PLEKHG1: variants seen among roughly 807,000 people sequenced by gnomAD.
PLEKHG1 encodes the protein pleckstrin homology domain-containing family G member 1.
Under a neutral mutation model 100.8 loss-of-function variants are expected in PLEKHG1, and 44 were observed. The ratio of observed to expected loss-of-function variants is 0.44; its 90% CI spans 0.34 to 0.56. PLEKHG1 has a LOEUF of 0.56. PLEKHG1 is among the 20% of genes least tolerant of loss of function. The pLI is 0.01. For synonymous variants in PLEKHG1, 640 were observed against 662.5 expected (o/e 0.97, Z 0.52); for missense variants, 1,545 against 1,720.9 (o/e 0.90, Z 1.81).
At position 150,839,782 on chromosome 6, in the gene PLEKHG1, C is replaced by T. The variant is rs550796390; in HGVS notation, c.3095-51C>T. The T allele has an allele frequency of 1.8e-5, 20 of 1,102,364 alleles. No individual in the cohort carries two copies. Among genetic ancestry groups the T allele is most frequent in the South Asian group, 8.6e-5 (6 of 70,046 alleles). 68.3% of individuals were successfully genotyped at this position (1,102,364 alleles called of 1,614,324 possible). A position where few individuals can be genotyped will look rare whatever the true frequency, so the allele number is the denominator to read the frequency against. ...GTTATTCTCTTATTTTTAATCTTCACGTATAGGAATTATCCTGTGTGTATT... is the reference window on the plus strand; with the variant it reads ...GTTATTCTCTTATTTTTAATCTTCATGTATAGGAATTATCCTGTGTGTATT... On this transcript the variant is annotated intron_variant, in intron 15 of 15. Coordinates refer to ENST00000358517, the Ensembl canonical transcript of PLEKHG1.
Position 150,832,708 on chromosome 6 carries a change from A to C in PLEKHG1, c.3094+503A>C, listed in dbSNP as rs1462919316. Among the ~76,000 whole-genome samples the C allele has an allele frequency of 2.4e-5, 3 of 123,730 alleles. No homozygotes were observed. The Admixed American group carries it at 2.8e-4, about 12-fold the overall frequency. 81.2% of individuals were successfully genotyped at this position (123,730 alleles called of 152,430 possible). A position where few individuals can be genotyped will look rare whatever the true frequency, so the allele number is the denominator to read the frequency against. On this transcript the variant is annotated intron_variant, in intron 15 of 15. Transcript: ENST00000358517. ...TTTTTTTTTTTTTTTTTGAGACAGGATCTCACTGTCACCCAGGCTGGAGTA... is the reference window on the plus strand; with the variant it reads ...TTTTTTTTTTTTTTTTTGAGACAGGCTCTCACTGTCACCCAGGCTGGAGTA...
intron 3 of PLEKHG1, among the ~76,000 whole-genome samples, chr6:150,710,689 GA>G (rs202154540): frequency 4.0e-5 from 6 of 150,312 alleles, no homozygotes; most frequent in South Asian, 4.2e-4. Context: ...AGATTGCCCA[GA>G]AAAAAAAAAT....
chr6:150,800,542 T>C (rs1302606680), intron 5 of PLEKHG1, among the ~76,000 whole-genome samples, 177 bp from the exon 7 acceptor site: 1 of 152,214 alleles, frequency 6.6e-6, no homozygotes, highest in Non-Finnish European at 1.5e-5. Context: ...TGCCTTTTTC[T>C]AATTCACCCT....
intron 7 of PLEKHG1, among the ~76,000 whole-genome samples, chr6:150,808,469 G>A (rs924570166): frequency 1.3e-5 from 2 of 152,072 alleles, no homozygotes; most frequent in African/African-American, 4.8e-5. Flanking sequence ...AAGGGAAGGG[G>A]CCGGGTGCGG....
chr6:150,819,538 C>T (rs1402238593), intron 11 of PLEKHG1, 141 bp from the exon 13 acceptor site: 6 of 422,644 alleles, frequency 1.4e-5, no homozygotes, highest in South Asian at 5.1e-5. Flanking sequence ...CGCACTTCAG[C>T]GTGGGTGACA....
chr6:150,706,991 TCTTTTTC>T (rs1781041789), intron 3 of PLEKHG1, among the ~76,000 whole-genome samples: 1 of 130,846 alleles, frequency 7.6e-6, no homozygotes. Context: ...CTTTTCTTTT[TCTTTTTC>T]TTTTTTTTTT....
chr6:150,760,840 G>A (rs1048892300), intron 2 of PLEKHG1, among the ~76,000 whole-genome samples: 4 of 151,994 alleles, frequency 2.6e-5, no homozygotes, highest in East Asian at 1.9e-4. Flanking sequence ...CTGCAATTTC[G>A]AAAATAAATA....
At chr6:150,746,639 A>C (rs1379699805) in intron 2 of PLEKHG1, among the ~76,000 whole-genome samples, 2 of 152,238 alleles carry the variant, frequency 1.3e-5, no homozygotes, top group African/African-American at 2.4e-5. Flanking sequence ...AGTTGTAGGA[A>C]GTTTTTTACT....
rs564921835 is a variant in PLEKHG1, at chr6:150,613,290, G to A, written c.-204+13273G>A. Among the ~76,000 whole-genome samples the A allele has an allele frequency of 1.5e-4, 23 of 152,234 alleles. No individual in the cohort carries two copies. The South Asian group carries it at 4.1e-3, about 27-fold the overall frequency. On this transcript the variant is annotated intron_variant, in intron 1 of 3. Transcript: ENST00000367326. ...TGACCATACTTTATAACATGCAAAC[G>A]CCTGCACCTTGCAAGTCAGATCCTT...
At chr6:150,726,906 A>G (rs1317290867) in intron 1 of PLEKHG1, among the ~76,000 whole-genome samples, 3 of 152,196 alleles carry the variant, frequency 2.0e-5, no homozygotes, top group Non-Finnish European at 4.4e-5. Flanking sequence ...ATAAATGTAT[A>G]TTTTTTAACT....
At chr6:150,796,053 CA>C in intron 5 of PLEKHG1, 151 bp downstream of exon 6, 1 of 528,326 alleles carries the variant, frequency 1.9e-6, no homozygotes, top group Non-Finnish European at 3.4e-6. Flanking sequence ...GAACAGATTA[CA>C]GGGGCACCCA....
intron 3 of PLEKHG1, among the ~76,000 whole-genome samples, chr6:150,686,003 T>G (rs1780117282): frequency 6.6e-6 from 1 of 152,190 alleles, no homozygotes; most frequent in South Asian, 2.1e-4. Flanking sequence ...CATACAGAGA[T>G]GGCCAAGGGA....
chr6:150,614,168 C>T (rs190162145), intron 1 of PLEKHG1, among the ~76,000 whole-genome samples: 2 of 152,176 alleles, frequency 1.3e-5, no homozygotes, highest in Non-Finnish European at 2.9e-5. Context: ...GTGGCAGAGA[C>T]GTACGATAGC....
chr6:150,706,870 T>C (rs1222820863), intron 3 of PLEKHG1, among the ~76,000 whole-genome samples: 2 of 151,900 alleles, frequency 1.3e-5, no homozygotes, highest in African/African-American at 4.8e-5. Flanking sequence ...TGATCCGTGA[T>C]GAATTTTTCC....
intron 2 of PLEKHG1, among the ~76,000 whole-genome samples, chr6:150,640,969 T>C (rs1352790492): frequency 6.6e-6 from 1 of 152,196 alleles, no homozygotes; most frequent in Non-Finnish European, 1.5e-5. Flanking sequence ...GTCAGTTGTT[T>C]AGTGGGCACT....
chr6:150,766,277 C>T (rs1396088216), intron 2 of PLEKHG1, among the ~76,000 whole-genome samples: 1 of 152,036 alleles, frequency 6.6e-6, no homozygotes, highest in African/African-American at 2.4e-5. Flanking sequence ...AGCAGGGTAA[C>T]CATAGGTGCT....
chr6:150,731,373 G>A (rs1298745800), intron 1 of PLEKHG1, among the ~76,000 whole-genome samples: 1 of 152,172 alleles, frequency 6.6e-6, no homozygotes, highest in Non-Finnish European at 1.5e-5. Flanking sequence ...TTTCCTACAT[G>A]TCTTACCACT....
chr6:150,765,470 G>A (rs1784409996), intron 2 of PLEKHG1, among the ~76,000 whole-genome samples: 1 of 145,502 alleles, frequency 6.9e-6, no homozygotes, highest in Admixed American at 7.1e-5. Context: ...CTCCAGCTTG[G>A]GTGACAGAGT....
At chr6:150,639,973 A>G (rs1378524602) in intron 2 of PLEKHG1, among the ~76,000 whole-genome samples, 1 of 152,242 alleles carries the variant, frequency 6.6e-6, no homozygotes, top group East Asian at 1.9e-4. Context: ...CATTTTGTAA[A>G]TGGAAAAACC....
Sources: allele counts gnomAD v4.1 joint callset (sites outside exome capture counted in the v4.1 genomes callset), GRCh38; gene constraint gnomAD v4.1.1; transcripts MANE v1.5; gene names NCBI Gene and HGNC (gene_info 2026-07-23, HGNC 2026-07-21).